The following KYNU variants were observed in gnomAD, a reference collection of about 807,000 sequenced individuals.
KYNU encodes the protein kynureninase.
KYNU carries 54 observed loss-of-function variants against 59.2 expected under a neutral mutation model. That is an observed-to-expected ratio of 0.91 (90% CI 0.73 to 1.14). The LOEUF (loss-of-function observed/expected upper bound fraction) is 1.14. KYNU is among the 50% of genes most tolerant of loss of function. The pLI is 0.00. For synonymous variants in KYNU, 177 were observed against 192.0 expected (o/e 0.92, Z 0.65); for missense variants, 567 against 554.4 (o/e 1.02, Z -0.23).
intron 2 of KYNU, among the ~76,000 whole-genome samples, chr2:142,904,407 C>G (rs993711834): frequency 6.6e-6 from 1 of 152,206 alleles, no homozygotes; most frequent in African/African-American, 2.4e-5. Flanking sequence ...TCTTTTTCCT[C>G]TGTTGTCATC....
chr2:142,918,578 T>A lies in KYNU; in HGVS notation c.170-31T>A, dbSNP rs79107528. The A allele has an allele frequency of 1.0e-3, 1,488 of 1,486,610 alleles. 3 individuals carry two copies. Among genetic ancestry groups the A allele is most frequent in the East Asian group, 9.9e-3 (399 of 40,226 alleles). 92.1% of individuals were successfully genotyped at this position (1,486,610 alleles called of 1,614,324 possible). On this transcript the variant is annotated intron_variant, in intron 2 of 13. Coordinates refer to ENST00000264170, the MANE Select transcript of KYNU (RefSeq NM_003937.3). ...CCATACTGAAAAAGCTTTTATTTTT[T>A]TTTTTTTTTTTGACATTTCTTCTGT...
chr2:142,922,600 T>C (rs1399959984), intron 3 of KYNU, among the ~76,000 whole-genome samples: 2 of 152,190 alleles, frequency 1.3e-5, no homozygotes, highest in Admixed American at 1.3e-4. Flanking sequence ...TCTCTGTCTA[T>C]CCAAGTATTG....
chr2:143,013,255 T>C, intron 10 of KYNU, among the ~76,000 whole-genome samples: 1 of 152,016 alleles, frequency 6.6e-6, no homozygotes, highest in East Asian at 1.9e-4. Flanking sequence ...ATAATATTTC[T>C]CTCTCTCTCT....
intron 8 of KYNU, among the ~76,000 whole-genome samples, chr2:142,969,893 C>A (rs1032514986): frequency 6.6e-6 from 1 of 152,182 alleles, no homozygotes. Flanking sequence ...AGAGTATATT[C>A]TTGAATATTC....
intron 3 of KYNU, among the ~76,000 whole-genome samples, chr2:142,923,638 G>C (rs761624478): frequency 2.0e-5 from 3 of 152,168 alleles, no homozygotes; most frequent in Admixed American, 1.3e-4. Context: ...TAGAACAGAA[G>C]GATATATCAG....
At chr2:143,003,290 G>C (rs1182236792) in intron 10 of KYNU, among the ~76,000 whole-genome samples, 3 of 152,148 alleles carry the variant, frequency 2.0e-5, no homozygotes, top group Non-Finnish European at 2.9e-5. Flanking sequence ...ACAGCTGGGG[G>C]GGGTGGCTCA....
intron 2 of KYNU, among the ~76,000 whole-genome samples, chr2:142,907,546 C>T (rs984463333): frequency 3.3e-5 from 5 of 152,164 alleles, no homozygotes; most frequent in Middle Eastern, 3.4e-3. Flanking sequence ...CAGCTCAAGC[C>T]GTAACAAATA....
chr2:143,019,790 A>G (rs573957633), intron 10 of KYNU, among the ~76,000 whole-genome samples: 12 of 151,950 alleles, frequency 7.9e-5, no homozygotes, highest in African/African-American at 2.9e-4. Context: ...ACGTCTTTGG[A>G]TTTTCTTTAA....
intron 8 of KYNU, among the ~76,000 whole-genome samples, chr2:142,979,330 T>G (rs1002396348): frequency 6.6e-6 from 1 of 152,206 alleles, no homozygotes. Flanking sequence ...GAATAGCTAT[T>G]GACTTTTGTA....
At position 143,042,549 on chromosome 2, in the gene KYNU, T is replaced by C. The variant is rs1006932062; in HGVS notation, c.*377T>C. 2.2e-5 allele frequency: 4 copies of C among 179,708 alleles called. No individual in the cohort carries two copies. Among genetic ancestry groups the C allele is most frequent in the South Asian group, 2.4e-4 (2 of 8,240 alleles). The allele number at this position is 179,708 out of a possible 1,614,324, so 11.1% of individuals were successfully genotyped here. A position where few individuals can be genotyped will look rare whatever the true frequency, so the allele number is the denominator to read the frequency against. On this transcript the variant is annotated 3_prime_UTR_variant, in exon 14 of 14. Coordinates refer to ENST00000264170, the MANE Select transcript of KYNU (RefSeq NM_003937.3). Reference sequence around the variant, plus strand: ...TTTAGAAATATTACTTTAGCTTCAATTTACCAAGGAGTTTCTTTGAAGCAT... The same window carrying C: ...TTTAGAAATATTACTTTAGCTTCAACTTACCAAGGAGTTTCTTTGAAGCAT...
intron 4 of KYNU, among the ~76,000 whole-genome samples, chr2:142,951,897 T>C (rs909285029): frequency 1.3e-5 from 2 of 152,156 alleles, no homozygotes; most frequent in Non-Finnish European, 2.9e-5. Context: ...GAGGAGGCCA[T>C]TGAAAGTGAA....
At position 143,042,343 on chromosome 2, in the gene KYNU, A is replaced by G; in HGVS notation, c.*171A>G. ...ATAATTTTTCAGAGTCTGTGGCACT[A>G]AGGAGTCCACAGGGCTGCCTAGGTG... On this transcript the variant is annotated 3_prime_UTR_variant, in exon 14 of 14. Coordinates refer to ENST00000264170, the MANE Select transcript of KYNU (RefSeq NM_003937.3). The G allele has an allele frequency of 1.5e-6, 1 of 673,900 alleles. No individual in the cohort carries two copies. The highest frequency in any genetic ancestry group is 2.4e-6 in the Non-Finnish European group (1 of 413,458). The allele number at this position is 673,900 out of a possible 1,614,324, so 41.7% of individuals were successfully genotyped here.
In KYNU at chr2:143,043,285, C is replaced by T. The variant is rs1329887509; in HGVS notation, c.*1113C>T. The T allele has an allele frequency of 6.6e-6, 1 of 151,904 alleles. No individual in the cohort carries two copies. Among genetic ancestry groups the T allele is most frequent in the African/African-American group, 2.4e-5 (1 of 41,378 alleles). The allele number at this position is 151,904 out of a possible 1,614,324, so 9.4% of individuals were successfully genotyped here. Reference sequence around the variant, plus strand: ...ATCTCAAATCTATGGACCTTTCTTACCCACTGTGAAAAACCTAAAGTTACA... The same window carrying T: ...ATCTCAAATCTATGGACCTTTCTTATCCACTGTGAAAAACCTAAAGTTACA... On this transcript the variant is annotated 3_prime_UTR_variant, in exon 14 of 14. Transcript: ENST00000264170.
chr2:142,963,084 G>A (rs1447599772), intron 8 of KYNU, among the ~76,000 whole-genome samples: 1 of 152,156 alleles, frequency 6.6e-6, no homozygotes, highest in East Asian at 1.9e-4. Flanking sequence ...AGTCAATCAG[G>A]AGGTTCTGAG....
chr2:143,037,173 G>T (rs1412789825), intron 12 of KYNU, among the ~76,000 whole-genome samples: 1 of 152,074 alleles, frequency 6.6e-6, no homozygotes, highest in African/African-American at 2.4e-5. Context: ...GAAGCCTGAG[G>T]CCAGGAACCT....
chr2:143,036,055 C>T (rs546539748), intron 12 of KYNU, among the ~76,000 whole-genome samples: 1 of 151,910 alleles, frequency 6.6e-6, no homozygotes, highest in Non-Finnish European at 1.5e-5. Context: ...CCACTGTGCT[C>T]AGCTTATTTT....
intron 9 of KYNU, 71 bp downstream of exon 9, chr2:142,985,253 T>C (rs1358148997): frequency 5.4e-6 from 5 of 919,256 alleles, no homozygotes; most frequent in Admixed American, 1.7e-5. Flanking sequence ...AAACTGGGTC[T>C]GTGGGCCAAT....
chr2:142,961,147 C>T (rs556159197), intron 8 of KYNU, among the ~76,000 whole-genome samples: 8 of 150,984 alleles, frequency 5.3e-5, no homozygotes, highest in Non-Finnish European at 7.4e-5. Context: ...GAGCCAAGAT[C>T]GTGCCCCTGC....
intron 2 of KYNU, among the ~76,000 whole-genome samples, chr2:142,887,152 A>G (rs1681544468): frequency 7.2e-6 from 1 of 138,338 alleles, no homozygotes; most frequent in East Asian, 2.1e-4. Flanking sequence ...CTTGGGCGAC[A>G]GTCCGAGGCT....
Sources: allele counts gnomAD v4.1 joint callset (sites outside exome capture counted in the v4.1 genomes callset), GRCh38; gene constraint gnomAD v4.1.1; transcripts MANE v1.5; gene names NCBI Gene and HGNC (gene_info 2026-07-23, HGNC 2026-07-21).